Variants in ICAM3 observed in about 807,000 individuals in gnomAD.
ICAM3 encodes ICAM-3.
Under a neutral mutation model 43.6 loss-of-function variants are expected in ICAM3, and 54 were observed. That is an observed-to-expected ratio of 1.24 (90% CI 0.99 to 1.55). The LOEUF (loss-of-function observed/expected upper bound fraction) is 1.55. Ranked by LOEUF, ICAM3 falls within the 40% of genes most tolerant of loss-of-function variation. The pLI is 0.00. For missense variants in ICAM3, 715 were observed against 717.9 expected, an observed-to-expected ratio of 1.00 and a Z score of 0.05; for synonymous variants, 306 against 312.6, an observed-to-expected ratio of 0.98 and a Z score of 0.22.
At chr19:10,339,131 G>A in intron 1 of ICAM3, 183 bp from the exon 2 acceptor site, 1 of 659,812 alleles carries the variant, frequency 1.5e-6, no homozygotes, top group Non-Finnish European at 2.5e-6. Flanking sequence ...GCCAGAAGAG[G>A]CTCTGATCCA....
At position 10,335,067 on chromosome 19, in the gene ICAM3, A is replaced by AT; in HGVS notation, c.935_936insA (p.Phe312LeufsTer2). On this transcript the variant is annotated frameshift_variant and splice_region_variant, in exon 4 of 7. Transcript: ENST00000160262. LOFTEE classifies it high-confidence loss of function. Reference sequence around the variant, plus strand: ...CCCCCTTCCCACGCCTCCTCTTACTAAAGACCGTCAAGTTCTCCCGGGCCT... The same window carrying AT: ...CCCCCTTCCCACGCCTCCTCTTACTATAAGACCGTCAAGTTCTCCCGGGCCT... The AT allele has an allele frequency of 6.2e-7, 1 of 1,611,460 alleles. No individual in the cohort carries two copies. Among genetic ancestry groups the AT allele is most frequent in the Non-Finnish European group, 8.5e-7 (1 of 1,178,582 alleles).
intron 1 of ICAM3, 93 bp from the exon 2 acceptor site, chr19:10,339,041 C>T: frequency 2.2e-6 from 3 of 1,368,012 alleles, no homozygotes; most frequent in Non-Finnish European, 3.0e-6. Flanking sequence ...TCTCCTTGTG[C>T]CGAGACAGAA....
chr19:10,337,416 C>CAAAAA (rs1227458863), intron 2 of ICAM3, among the ~76,000 whole-genome samples: 6 of 74,166 alleles, frequency 8.1e-5, no homozygotes, highest in Admixed American at 1.5e-4. Context: ...GACTCTGTCT[C>CAAAAA]AAAAAAAAAA....
Position 10,333,885 on chromosome 19 carries a change from A to T in ICAM3, c.1616T>A (p.Met539Lys), listed in dbSNP as rs765025664. The T allele has an allele frequency of 4.3e-6, 7 of 1,613,914 alleles. No individual in the cohort carries two copies. The South Asian group carries it at 7.7e-5, about 18-fold the overall frequency. The part of the protein sequence containing the change: ...PLTSMQPTEA[M>K]GEEPSRAE ...CTCAGCTCTGGACGGTTCTTCCCCCATTGCTTCTGTCGGCTGCATAGACGT... is the reference window on the plus strand; with the variant it reads ...CTCAGCTCTGGACGGTTCTTCCCCCTTTGCTTCTGTCGGCTGCATAGACGT... The change falls in exon 7 of 7, where the codon ATG becomes AAG. Residue 539 changes from methionine (M) to lysine (K), a missense_variant. Coordinates refer to ENST00000160262, the MANE Select transcript of ICAM3 (RefSeq NM_002162.5). This position sits in a 1 kb window ranked among gnomAD's most constrained non-coding sequence, Gnocchi z 4.2.
At chr19:10,339,138 T>C (rs1411015944) in intron 1 of ICAM3, 190 bp from the exon 2 acceptor site, 2 of 646,426 alleles carry the variant, frequency 3.1e-6, no homozygotes, top group Non-Finnish European at 5.3e-6. Context: ...GAGGCTCTGA[T>C]CCAGCATAGG....
intron 4 of ICAM3, 31 bp downstream of exon 4, chr19:10,335,013 TGCCACGCCCCCAGACTGCTGAG>T: frequency 6.4e-7 from 1 of 1,573,452 alleles, no homozygotes; most frequent in Non-Finnish European, 8.6e-7. Flanking sequence ...CCGCCCCCTC[TGCCACGCCCCCAGACTGCTGAG>T]GCCGCGCCCC....
intron 1 of ICAM3, 79 bp downstream of exon 1, chr19:10,339,460 G>T: frequency 8.3e-7 from 1 of 1,210,880 alleles, no homozygotes; most frequent in Non-Finnish European, 1.2e-6. Context: ...TGTGAACAGC[G>T]TTGCGTTCTA....
At chr19:10,337,751 G>C (rs2145102285) in intron 2 of ICAM3, among the ~76,000 whole-genome samples, 1 of 152,272 alleles carries the variant, frequency 6.6e-6, no homozygotes, top group African/African-American at 2.4e-5. Context: ...GGTCCCCCAA[G>C]TAGCTGGGAC....
chr19:10,338,241 TA>T (rs1568319249), intron 2 of ICAM3, among the ~76,000 whole-genome samples: 2 of 151,992 alleles, frequency 1.3e-5, no homozygotes, highest in African/African-American at 4.8e-5. Context: ...CCATCTCAAC[TA>T]AAAATACAAA....
rs755474269 is a variant in ICAM3, at chr19:10,334,115, C to A, written c.1441+45G>T. On this transcript the variant is annotated intron_variant, in intron 6 of 6. Transcript: ENST00000160262. The surrounding 1 kb of genome is among the most constrained non-coding windows in gnomAD (Gnocchi z 5.5). Reference sequence around the variant, plus strand: ...GTCCCTTCTGTCTCCAACCCCCCCGCCCCCCGGCTTACCGGTCCAGACCCG... The same window carrying A: ...GTCCCTTCTGTCTCCAACCCCCCCGACCCCCGGCTTACCGGTCCAGACCCG... The A allele has an allele frequency of 3.1e-6, 5 of 1,602,998 alleles. No homozygotes were observed. Among genetic ancestry groups the A allele is most frequent in the Non-Finnish European group, 4.3e-6 (5 of 1,170,936 alleles).
rs1011666141 is a variant in ICAM3, at chr19:10,335,957, C to G, written c.363G>C (p.Glu121Asp). Residue 121 changes from glutamate to aspartate, a missense_variant, in exon 3 of 7, where the codon GAG becomes GAC. Coordinates refer to ENST00000160262, the MANE Select transcript of ICAM3 (RefSeq NM_002162.5). The stretch of plus-strand genomic sequence containing the variant: ...GCTGCCAAGGAGGCAGGGGTGCCAG[C>G]TCCACACGCTCCGGGAGCCCTGAGA... Reference protein sequence around the residue: ...ITVYRLPERVELAPLPPWQPV... With the variant: ...ITVYRLPERVDLAPLPPWQPV... 2 of 1,565,268 alleles carry G rather than the reference C, an allele frequency of 1.3e-6. No individual in the cohort carries two copies. The highest frequency in any genetic ancestry group is 1.3e-5 in the African/African-American group (1 of 74,324).
intron 1 of ICAM3, 147 bp downstream of exon 1, chr19:10,339,392 G>A (rs1467959482): frequency 7.2e-6 from 5 of 692,038 alleles, no homozygotes; most frequent in Admixed American, 2.7e-5. Flanking sequence ...CTGAACTAAG[G>A]AACCAGAACT....
intron 2 of ICAM3, among the ~76,000 whole-genome samples, chr19:10,336,639 C>G (rs982655387): frequency 1.3e-5 from 2 of 151,900 alleles, no homozygotes; most frequent in Non-Finnish European, 2.9e-5. Context: ...AACCCCATCT[C>G]TACTAAAAAT....
Position 10,334,664 on chromosome 19 carries a change from C to G in ICAM3, c.1056G>C (p.Ala352=), listed in dbSNP as rs748690143. The G allele has an allele frequency of 6.2e-7, 1 of 1,613,288 alleles. No individual in the cohort carries two copies. The change falls in exon 5 of 7, where the codon GCG becomes GCC. Residue 352 remains alanine, a synonymous_variant. Coordinates refer to ENST00000160262, the MANE Select transcript of ICAM3 (RefSeq NM_002162.5). The surrounding 1 kb of genome is among the most constrained non-coding windows in gnomAD (Gnocchi z 5.5). ...VQVTLDGVPA[A]APGQPAQLQL... is the part of the protein sequence containing the mutation. ...GAAGTTGAGCTGGCTGCCCCGGGGC[C>G]GCGGCCGGAACTCCGTCCAGCGTGA...
Position 10,334,106 on chromosome 19 carries a change from A to AGCCC in ICAM3, c.1442-48_1442-47insGGGC. The AGCCC allele has an allele frequency of 3.2e-6, 5 of 1,578,906 alleles. No homozygotes were observed. The highest frequency in any genetic ancestry group is 4.3e-6 in the Non-Finnish European group (5 of 1,151,398). ...TCAATATGCGTCCCTTCTGTCTCCAACCCCCCCGCCCCCCGGCTTACCGGT... is the reference window on the plus strand; with the variant it reads ...TCAATATGCGTCCCTTCTGTCTCCAAGCCCCCCCCCCGCCCCCCGGCTTACCGGT... On this transcript the variant is annotated intron_variant, in intron 6 of 6. Coordinates refer to ENST00000160262, the MANE Select transcript of ICAM3 (RefSeq NM_002162.5). This position sits in a 1 kb window ranked among gnomAD's most constrained non-coding sequence, Gnocchi z 5.5.
chr19:10,337,499 G>GT (rs1471893298), intron 2 of ICAM3, among the ~76,000 whole-genome samples: 2 of 151,902 alleles, frequency 1.3e-5, no homozygotes, highest in African/African-American at 4.8e-5. Context: ...GAAGTGGGAG[G>GT]ATTGCCTGAG....
rs2040581848 is a variant in ICAM3 at position 10,335,278 on chromosome 19, G to T, written c.725C>A (p.Thr242Asn). 5 of 1,613,298 alleles carry T rather than the reference G, an allele frequency of 3.1e-6. No homozygotes were observed. Among genetic ancestry groups the T allele is most frequent in the Non-Finnish European group, 2.5e-6 (3 of 1,179,972 alleles). The change falls in exon 4 of 7, where the codon ACC (threonine) becomes AAC (asparagine). Residue 242 changes from threonine (T) to asparagine (N), a missense_variant. Coordinates refer to ENST00000160262, the MANE Select transcript of ICAM3 (RefSeq NM_002162.5). ...EVETSWPVDC[T>N]LDGLFPASEA... ...TGAGGCTGGAAAAAGCCCGTCTAGG[G>T]TGCAGTCCACCGGCCACGACGTTTC... is the stretch of plus-strand genomic sequence containing the variant.
At position 10,335,204 on chromosome 19, in the gene ICAM3, CTG is replaced by C. The variant is rs760224824; in HGVS notation, c.797_798del (p.Thr266SerfsTer47). 1.4e-4 allele frequency: 228 copies of C among 1,613,760 alleles called. No individual in the cohort carries two copies. Among genetic ancestry groups the C allele is most frequent in the South Asian group, 2.1e-4 (19 of 91,082 alleles). On this transcript the variant is annotated frameshift_variant, in exon 4 of 7. Coordinates refer to ENST00000160262, the MANE Select transcript of ICAM3 (RefSeq NM_002162.5). LOFTEE classifies it high-confidence loss of function. ...GTTAGCGTGTCCCCGTGGTTCATGA[CTG>C]TCGCATTCAGCATCTGGTCCCCCAG... ...LALGDQMLNA[T>X]VMNHGDTLTA...
In ICAM3 at chr19:10,334,685, C is replaced by G. The variant is rs143303720; in HGVS notation, c.1035G>C (p.Thr345=). Residue 345 remains threonine (T), a synonymous_variant, in exon 5 of 7, where the codon ACG becomes ACC. Transcript: ENST00000160262. This position sits in a 1 kb window ranked among gnomAD's most constrained non-coding sequence, Gnocchi z 5.5. ...SCMAGARVQV[T]LDGVPAAAPG... Reference sequence around the variant, plus strand: ...GGGCCGCGGCCGGAACTCCGTCCAGCGTGACCTGGACTCGAGCCCCAGCCA... The same window carrying G: ...GGGCCGCGGCCGGAACTCCGTCCAGGGTGACCTGGACTCGAGCCCCAGCCA... 2 of 1,613,118 alleles carry G rather than the reference C, an allele frequency of 1.2e-6. No individual in the cohort carries two copies. The highest frequency in any genetic ancestry group is 1.3e-5 in the African/African-American group (1 of 74,914).
Sources: gnomAD v4.1 joint callset for allele counts (sites outside exome capture counted in the v4.1 genomes callset) on GRCh38, gnomAD v4.1.1 for gene constraint, Gnocchi (gnomAD v3.1) non-coding constraint, MANE v1.5 for transcripts, NCBI Gene and HGNC (gene_info 2026-07-23, HGNC 2026-07-21) for gene names.